DLG5: variants seen among roughly 807,000 people sequenced by gnomAD.
The protein encoded by DLG5 is discs large MAGUK scaffold protein 5.
A neutral mutation model predicts 189.8 loss-of-function variants in DLG5; 48 were observed. The observed-to-expected ratio is 0.25, with a 90% confidence interval of 0.20 to 0.32. The LOEUF is 0.32. Among genes scored for constraint, DLG5 ranks in the 10% least tolerant of loss-of-function variants. The probability of loss-of-function intolerance (pLI) is 1.00; values close to 1 mark genes in which losing one functional copy is unlikely to be tolerated. For synonymous variants in DLG5, 1,016 were observed against 1,054.1 expected (o/e 0.96, Z 0.70); for missense variants, 2,160 against 2,544.7 (o/e 0.85, Z 3.25).
At position 77,834,022 on chromosome 10, in the gene DLG5, A is replaced by T; in HGVS notation, c.1640T>A (p.Leu547Gln). 1 of 1,609,724 alleles carries T rather than the reference A, an allele frequency of 6.2e-7. No individual in the cohort carries two copies. The highest frequency in any genetic ancestry group is 8.5e-7 in the Non-Finnish European group (1 of 1,179,838). The change falls in exon 9 of 32, where the codon CTG becomes CAG. Residue 547 changes from leucine to glutamine, a missense_variant. Transcript: ENST00000372391. ...RDSIRTLCDNLRRERDRAVSE... is the reference protein window; with the variant it reads ...RDSIRTLCDNQRRERDRAVSE... ...CACCGCACGGTCCCGCTCCCGCCTC[A>T]GGTTGTCACACAGTGTCCTGGTGGA... is the stretch of plus-strand genomic sequence containing the variant.
intron 1 of DLG5, among the ~76,000 whole-genome samples, chr10:77,888,931 C>T (rs567300209): frequency 2.8e-4 from 39 of 139,750 alleles, no homozygotes; most frequent in African/African-American, 7.9e-4. Context: ...AATCTCCAAA[C>T]GTCTCCATTC....
intron 1 of DLG5, among the ~76,000 whole-genome samples, chr10:77,918,699 G>GA (rs149499433): frequency 0.016 from 2,425 of 150,828 alleles, 68 homozygotes; most frequent in African/African-American, 0.056. Context: ...GGTAAAAGGC[G>GA]AAAAAAAAAT....
intron 20 of DLG5, among the ~76,000 whole-genome samples, chr10:77,813,739 A>T (rs1841897984): frequency 6.6e-6 from 1 of 152,232 alleles, no homozygotes; most frequent in Non-Finnish European, 1.5e-5. Context: ...ACTAAGTCAC[A>T]GCAATAGCCA....
At position 77,816,973 on chromosome 10, in the gene DLG5, A is replaced by T. The variant is rs972449685; in HGVS notation, c.3874+34T>A. On this transcript the variant is annotated intron_variant, in intron 19 of 31. Coordinates refer to ENST00000372391, the MANE Select transcript of DLG5 (RefSeq NM_004747.4). Reference sequence around the variant, plus strand: ...CCATGAGGAGTCAGACCGCAGGAAAAGCAGGAGAGATGGGAATGTCGAGAA... The same window carrying T: ...CCATGAGGAGTCAGACCGCAGGAAATGCAGGAGAGATGGGAATGTCGAGAA... 10 of 1,604,796 alleles carry T rather than the reference A, an allele frequency of 6.2e-6. No homozygotes were observed. In the East Asian group the frequency reaches 1.1e-4, roughly 18 times the overall value.
intron 1 of DLG5, among the ~76,000 whole-genome samples, chr10:77,910,987 G>GAAA (rs55832630): frequency 3.8e-4 from 32 of 84,236 alleles, no homozygotes; most frequent in East Asian, 1.2e-3. Flanking sequence ...CTGTCTGAAG[G>GAAA]AAAAAAAAAA....
intron 27 of DLG5, among the ~76,000 whole-genome samples, chr10:77,799,710 G>A (rs780030265): frequency 1.3e-5 from 2 of 152,172 alleles, no homozygotes; most frequent in Non-Finnish European, 2.9e-5. Context: ...CTGGGCTTAG[G>A]TGATCCTCCA....
At chr10:77,879,268 G>C (rs995344191) in intron 1 of DLG5, among the ~76,000 whole-genome samples, 6 of 152,064 alleles carry the variant, frequency 3.9e-5, no homozygotes, top group African/African-American at 1.4e-4. Context: ...AAGGCCCTGG[G>C]GCCACCCCAT....
rs944415485 is a variant in DLG5, at chr10:77,806,114, G to A, written c.4968-253C>T. On this transcript the variant is annotated intron_variant, in intron 26 of 31. Transcript: ENST00000372391. The stretch of plus-strand genomic sequence containing the variant: ...TTTTCTACTACAGCATATTCAGCTC[G>A]GTGTCAAAAGGAACTGCTAGGACAG... 3.1e-5 allele frequency: 14 copies of A among 454,412 alleles called. 2 individuals carry two copies. Among genetic ancestry groups the A allele is most frequent in the Admixed American group, 7.7e-5 (2 of 25,922 alleles). 28.1% of individuals were successfully genotyped at this position (454,412 alleles called of 1,614,324 possible).
the DLG5 span, among the ~76,000 whole-genome samples, chr10:77,937,649 C>T: frequency 6.6e-6 from 1 of 151,976 alleles, no homozygotes; most frequent in Non-Finnish European, 1.5e-5. Flanking sequence ...CCACCTACCC[C>T]ACAAATGACC....
intron 15 of DLG5, chr10:77,820,350 G>GAAAA (rs56722418): frequency 1.4e-3 from 207 of 144,244 alleles, no homozygotes; most frequent in African/African-American, 4.5e-3. Flanking sequence ...CATCTTAGGG[G>GAAAA]AAAAAAAAAA....
intron 17 of DLG5, 87 bp downstream of exon 17, chr10:77,819,234 A>C: frequency 6.3e-7 from 1 of 1,595,020 alleles, no homozygotes; most frequent in Non-Finnish European, 8.6e-7. Flanking sequence ...CTTCTCCACC[A>C]ATGAGCCTCT....
At chr10:77,920,742 CA>C (rs1210353374) in intron 1 of DLG5, among the ~76,000 whole-genome samples, 2 of 152,148 alleles carry the variant, frequency 1.3e-5, no homozygotes, top group Non-Finnish European at 2.9e-5. Flanking sequence ...CTTCCCTGGT[CA>C]GGGGCTGTGA....
intron 4 of DLG5, 136 bp downstream of exon 4, chr10:77,854,091 G>T: frequency 8.7e-7 from 1 of 1,147,880 alleles, no homozygotes; most frequent in Non-Finnish European, 1.2e-6. Flanking sequence ...AAATCCACCT[G>T]CTGTAGGCAG....
intron 5 of DLG5, among the ~76,000 whole-genome samples, chr10:77,847,131 C>T (rs951286434): frequency 3.3e-5 from 5 of 152,148 alleles, no homozygotes; most frequent in African/African-American, 4.8e-5. Context: ...GAGTGGGCCA[C>T]GAATTCCCAG....
At chr10:77,820,367 C>A (rs1428818855) in intron 15 of DLG5, 121 of 166,396 alleles carry the variant, frequency 7.3e-4, no homozygotes, top group South Asian at 2.8e-3. Context: ...AAAAAAAAAA[C>A]CAAACAGTGG....
intron 2 of DLG5, among the ~76,000 whole-genome samples, chr10:77,863,619 C>T (rs1305546134): frequency 6.6e-6 from 1 of 152,226 alleles, no homozygotes; most frequent in African/African-American, 2.4e-5. Flanking sequence ...GCAGTTCTAA[C>T]CTTGTGCAGT....
intron 1 of DLG5, among the ~76,000 whole-genome samples, chr10:77,870,231 T>C (rs1844843718): frequency 6.6e-6 from 1 of 152,196 alleles, no homozygotes; most frequent in Non-Finnish European, 1.5e-5. Context: ...AAAAGAACTA[T>C]ACAATGAAGA....
chr10:77,812,306 C>T lies in DLG5; in HGVS notation c.4097G>A (p.Ser1366Asn). The change falls in exon 21 of 32, where the codon AGT (serine) becomes AAT (asparagine). Residue 1366 changes from serine to asparagine, a missense_variant. Physicochemically the swap from Ser to Asn is conservative, Grantham distance 46 (BLOSUM62 1). Coordinates refer to ENST00000372391, the MANE Select transcript of DLG5 (RefSeq NM_004747.4). ...GSEPLGISIVSGEKGGIYVSK... is the reference protein window; with the variant it reads ...GSEPLGISIVNGEKGGIYVSK... ...GACGTAGATGCCGCCCTTCTCTCCA[C>T]TCACGATGGAGATGCCCAGCGGCTC... 1 of 1,614,238 alleles carries T rather than the reference C, an allele frequency of 6.2e-7. No individual in the cohort carries two copies. The highest frequency in any genetic ancestry group is 8.5e-7 in the Non-Finnish European group (1 of 1,180,026).
At chr10:77,891,122 G>A (rs1351854662) in intron 1 of DLG5, among the ~76,000 whole-genome samples, 1 of 152,130 alleles carries the variant, frequency 6.6e-6, no homozygotes, top group African/African-American at 2.4e-5. Flanking sequence ...CCCTACCCAG[G>A]AATGACCTGC....
Sources: allele counts gnomAD v4.1 joint callset (sites outside exome capture counted in the v4.1 genomes callset), GRCh38; gene constraint gnomAD v4.1.1; transcripts MANE v1.5; gene names NCBI Gene and HGNC (gene_info 2026-07-23, HGNC 2026-07-21).